Variants in TNRC6A observed in about 807,000 individuals in gnomAD.
TNRC6A encodes trinucleotide repeat-containing gene 6A protein.
TNRC6A carries 44 observed loss-of-function variants against 221.2 expected under a neutral mutation model. That is an observed-to-expected ratio of 0.20 (90% CI 0.16 to 0.26). The LOEUF is 0.26. Among genes scored for constraint, TNRC6A ranks in the 10% least tolerant of loss-of-function variants. The pLI is 1.00. For missense variants in TNRC6A, 2,199 were observed against 2,404.4 expected (o/e 0.91, Z 1.79); for synonymous variants, 847 against 838.5 (o/e 1.01, Z -0.18).
chr16:24,632,026 T>A, intron 1 of TNRC6A, among the ~76,000 whole-genome samples: 1 of 152,030 alleles, frequency 6.6e-6, no homozygotes, highest in South Asian at 2.1e-4. Flanking sequence ...ACCCAGCTAC[T>A]TTTTTTAATA....
At chr16:24,724,486 C>T (rs1596550475) in intron 2 of TNRC6A, among the ~76,000 whole-genome samples, 2 of 150,194 alleles carry the variant, frequency 1.3e-5, no homozygotes, top group South Asian at 4.2e-4. Flanking sequence ...TGGCTCACAC[C>T]TGTAATCCCA....
intron 5 of TNRC6A, among the ~76,000 whole-genome samples, chr16:24,777,995 GTCCA>G (rs2057761623): frequency 6.6e-6 from 1 of 152,180 alleles, no homozygotes; most frequent in South Asian, 2.1e-4. Context: ...CTGTTAGTCT[GTCCA>G]TCCATTCATT....
intron 19 of TNRC6A, 130 bp downstream of exon 19, chr16:24,815,435 A>T: frequency 9.2e-7 from 1 of 1,081,210 alleles, no homozygotes. Flanking sequence ...GAAGGAATGC[A>T]GAAGTGATTG....
intron 2 of TNRC6A, among the ~76,000 whole-genome samples, chr16:24,746,327 G>A (rs933881319): frequency 5.3e-5 from 8 of 152,114 alleles, no homozygotes; most frequent in Admixed American, 4.6e-4. Context: ...TTGGTAGGCC[G>A]AGGTAGGAGG....
chr16:24,763,185 T>A (rs1268542470), intron 4 of TNRC6A, among the ~76,000 whole-genome samples: 1 of 152,208 alleles, frequency 6.6e-6, no homozygotes, highest in Admixed American at 6.5e-5. Flanking sequence ...TAAACACTGA[T>A]CCTTCTGTGG....
chr16:24,792,093 G>A (rs965948731), intron 6 of TNRC6A, among the ~76,000 whole-genome samples: 2 of 152,170 alleles, frequency 1.3e-5, no homozygotes, highest in African/African-American at 4.8e-5. Flanking sequence ...ACTTCTCCAA[G>A]TTGTTTTTGA....
rs904194725 is a variant in TNRC6A, at chr16:24,816,710, GTATT to G, written c.4832-104_4832-101del. 5 of 1,323,546 alleles carry G rather than the reference GTATT, an allele frequency of 3.8e-6. No individual in the cohort carries two copies. In the African/African-American group the frequency reaches 7.4e-5, roughly 20 times the overall value. The allele number at this position is 1,323,546 out of a possible 1,614,324, so 82.0% of individuals were successfully genotyped here. On this transcript the variant is annotated intron_variant, in intron 19 of 24. Coordinates refer to ENST00000395799, the MANE Select transcript of TNRC6A (RefSeq NM_014494.4). ...TTAGAGTATTAGTGTAAATTGGAAA[GTATT>G]TGAGAGTTGCATAGGATTCAGGAAT...
chr16:24,789,301 A>G lies in TNRC6A; in HGVS notation c.659A>G (p.Asp220Gly). 6.2e-7 allele frequency: 1 copy of G among 1,614,122 alleles called. No individual in the cohort carries two copies. Among genetic ancestry groups the G allele is most frequent in the Non-Finnish European group, 8.5e-7 (1 of 1,180,006 alleles). ...CGGGGACCTGTGTCTTCTACAAGTG[A>G]TTCTAGCACAAACTGTAAGAATGCT... is the stretch of plus-strand genomic sequence containing the variant. ...SQRGPVSSTSDSSTNCKNAVV... is the reference protein window; with the variant it reads ...SQRGPVSSTSGSSTNCKNAVV... The change falls in exon 6 of 25, where the codon GAT becomes GGT. Residue 220 changes from aspartate to glycine, a missense_variant. Physicochemically the swap from Asp to Gly is moderately conservative, Grantham distance 94. This residue lies in a region of TNRC6A where 1,405 missense variants were observed against 1,400.2 expected (regional missense o/e 1.00). Transcript: ENST00000395799.
At chr16:24,714,706 T>A (rs76223692) in intron 2 of TNRC6A, among the ~76,000 whole-genome samples, 1 of 152,048 alleles carries the variant, frequency 6.6e-6, no homozygotes, top group African/African-American at 2.4e-5. Context: ...TTTCAGGGCT[T>A]TGCTTAACTT....
intron 2 of TNRC6A, among the ~76,000 whole-genome samples, chr16:24,731,640 A>C (rs973625899): frequency 6.6e-5 from 10 of 152,262 alleles, no homozygotes; most frequent in Non-Finnish European, 1.2e-4. Context: ...TCAGCAGAAC[A>C]GAGCTTAGAG....
chr16:24,756,833 T>G (rs975406292), intron 3 of TNRC6A, among the ~76,000 whole-genome samples: 1 of 152,320 alleles, frequency 6.6e-6, no homozygotes, highest in South Asian at 2.1e-4. Flanking sequence ...GTTCTGAAAC[T>G]TAGTTTCCAT....
At chr16:24,613,003 T>C (rs1260096197) in intron 1 of TNRC6A, among the ~76,000 whole-genome samples, 1 of 149,734 alleles carries the variant, frequency 6.7e-6, no homozygotes, top group Non-Finnish European at 1.5e-5. Flanking sequence ...TCCCAGCTAC[T>C]CCAGAGACTG....
chr16:24,788,259 CT>C (rs1229597181), intron 5 of TNRC6A, among the ~76,000 whole-genome samples: 1 of 152,190 alleles, frequency 6.6e-6, no homozygotes, highest in African/African-American at 2.4e-5. Context: ...TTCAACATAA[CT>C]AACCATTACT....
At chr16:24,694,950 TG>T (rs2055828499) in intron 2 of TNRC6A, among the ~76,000 whole-genome samples, 1 of 152,088 alleles carries the variant, frequency 6.6e-6, no homozygotes, top group Non-Finnish European at 1.5e-5. Context: ...TTGGAATCAC[TG>T]TGAGCCATCT....
At chr16:24,613,170 T>C (rs1900150961) in intron 1 of TNRC6A, among the ~76,000 whole-genome samples, 2 of 150,014 alleles carry the variant, frequency 1.3e-5, no homozygotes, top group African/African-American at 4.9e-5. Context: ...ATACTTCAGT[T>C]GCGGGGGCAT....
At chr16:24,686,421 C>T (rs2055626835) in intron 2 of TNRC6A, among the ~76,000 whole-genome samples, 1 of 152,148 alleles carries the variant, frequency 6.6e-6, no homozygotes, top group African/African-American at 2.4e-5. Context: ...TTCTTCCTTT[C>T]CAAGGGTTTT....
chr16:24,797,391 A>AT lies in TNRC6A; in HGVS notation c.3562-98dup, dbSNP rs1278789433. 54 of 807,130 alleles carry AT rather than the reference A, an allele frequency of 6.7e-5. No homozygotes were observed. In the African/African-American group the frequency reaches 8.7e-4, roughly 13 times the overall value. 50.0% of individuals were successfully genotyped at this position (807,130 alleles called of 1,614,324 possible). A position where few individuals can be genotyped will look rare whatever the true frequency, so the allele number is the denominator to read the frequency against. ...TTGGAGGAGAAATTATTGGCTAAAA[A>AT]TGAGAATTGGGGATTGTCTTAAGTT... is the stretch of plus-strand genomic sequence containing the variant. On this transcript the variant is annotated intron_variant, in intron 9 of 24. Transcript: ENST00000395799.
intron 2 of TNRC6A, among the ~76,000 whole-genome samples, chr16:24,740,205 G>A (rs2056862559): frequency 6.6e-6 from 1 of 152,160 alleles, no homozygotes. Context: ...TTTGGAATCA[G>A]TATGAGCCTT....
intron 2 of TNRC6A, among the ~76,000 whole-genome samples, chr16:24,717,365 A>G (rs1319291223): frequency 1.3e-5 from 2 of 152,184 alleles, no homozygotes; most frequent in East Asian, 1.9e-4. Context: ...ACATTCTCCA[A>G]TGTAGCAAAA....
Sources: allele counts gnomAD v4.1 joint callset (sites outside exome capture counted in the v4.1 genomes callset), GRCh38; gene constraint gnomAD v4.1.1; regional missense constraint gnomAD v4.1.1; transcripts MANE v1.5; gene names NCBI Gene and HGNC (gene_info 2026-07-23, HGNC 2026-07-21).